Variants in ULK2 observed in about 807,000 individuals in gnomAD.
ULK2 encodes serine/threonine-protein kinase ULK2.
ULK2 carries 76 observed loss-of-function variants against 127.5 expected under a neutral mutation model. The ratio of observed to expected loss-of-function variants is 0.60; its 90% CI spans 0.50 to 0.72. ULK2 has a LOEUF of 0.72. ULK2 is among the 30% of genes least tolerant of loss of function. ULK2 has a pLI of 0.00. For synonymous variants in ULK2, 452 were observed against 461.9 expected (o/e 0.98, Z 0.28); for missense variants, 1,144 against 1,295.9 (o/e 0.88, Z 1.80).
chr17:19,846,998 AG>A (rs2041900009), intron 5 of ULK2, 88 bp from the exon 6 acceptor site: 14 of 1,271,006 alleles, frequency 1.1e-5, no homozygotes, highest in Non-Finnish European at 1.4e-5. Context: ...GTTGTGAAGG[AG>A]AGCATGAAGG....
chr17:19,861,690 C>T (rs1242213020), intron 3 of ULK2, among the ~76,000 whole-genome samples: 1 of 152,134 alleles, frequency 6.6e-6, no homozygotes, highest in Non-Finnish European at 1.5e-5. Flanking sequence ...TGAGTTGTAC[C>T]ACTTGGTGCC....
chr17:19,829,528 C>A (rs1271057886), intron 10 of ULK2, among the ~76,000 whole-genome samples: 6 of 97,990 alleles, frequency 6.1e-5, no homozygotes, highest in Non-Finnish European at 1.1e-4. Context: ...CAGGATGAGA[C>A]CCTGTCAAGG....
In ULK2 at chr17:19,777,645, G is replaced by A; in HGVS notation, c.2988C>T (p.Ala996=). The A allele has an allele frequency of 1.2e-6, 2 of 1,614,062 alleles. No individual in the cohort carries two copies. Among genetic ancestry groups the A allele is most frequent in the Non-Finnish European group, 1.7e-6 (2 of 1,180,004 alleles). Residue 996 remains alanine (A), a synonymous_variant, in exon 26 of 27, where the codon GCC becomes GCT. Coordinates refer to ENST00000395544, the MANE Select transcript of ULK2 (RefSeq NM_014683.4). The stretch of plus-strand genomic sequence containing the variant: ...TCCTACTTAGGCCTTCCAAAAGAAG[G>A]GCTGCCTTATGATAGCGATAAACAA... ...EDIVYRYHKA[A]LLLEGLSRIL...
chr17:19,804,942 T>C, intron 14 of ULK2, 112 bp from the exon 15 acceptor site: 1 of 1,159,406 alleles, frequency 8.6e-7, no homozygotes, highest in Non-Finnish European at 1.2e-6. Flanking sequence ...AAATGGTCAC[T>C]CCACTACCTT....
intron 6 of ULK2, among the ~76,000 whole-genome samples, chr17:19,846,457 T>C (rs1173206760): frequency 2.0e-5 from 3 of 151,950 alleles, no homozygotes; most frequent in Non-Finnish European, 2.9e-5. Context: ...CTGGCCAACA[T>C]GGTGAAACCC....
intron 12 of ULK2, among the ~76,000 whole-genome samples, chr17:19,823,949 T>C (rs2041224566): frequency 1.3e-5 from 2 of 152,310 alleles, no homozygotes; most frequent in East Asian, 1.9e-4. Flanking sequence ...CCTTGCGTTA[T>C]ATACTATGTG....
chr17:19,785,533 AAAAAAAAAACC>A (rs200935576), intron 21 of ULK2, among the ~76,000 whole-genome samples: 4,587 of 150,388 alleles, frequency 0.031, 213 homozygotes, highest in African/African-American at 0.11. Flanking sequence ...AGTTTCTTTA[AAAAAAAAAACC>A]AAAAAAAAAC....
intron 10 of ULK2, among the ~76,000 whole-genome samples, chr17:19,834,458 G>GC (rs2041541206): frequency 6.6e-6 from 1 of 150,978 alleles, no homozygotes; most frequent in South Asian, 2.1e-4. Context: ...CAACACAAAA[G>GC]AGGAGGAAAG....
intron 6 of ULK2, 55 bp downstream of exon 6, chr17:19,846,682 T>C (rs2041891432): frequency 2.0e-6 from 3 of 1,495,248 alleles, no homozygotes; most frequent in Middle Eastern, 1.8e-4. Context: ...GCTAAAGTTG[T>C]CTAAAAATAG....
At chr17:19,851,487 GA>G in intron 3 of ULK2, among the ~76,000 whole-genome samples, 1 of 150,482 alleles carries the variant, frequency 6.6e-6, no homozygotes. Flanking sequence ...AAAATACAAA[GA>G]AATTAGCCGG....
chr17:19,784,513 CTTTTTTTTT>C (rs563736244), intron 21 of ULK2, among the ~76,000 whole-genome samples: 297 of 45,112 alleles, frequency 6.6e-3, no homozygotes, highest in Non-Finnish European at 8.3e-3. Flanking sequence ...GGACATGATA[CTTTTTTTTT>C]TTTTTTTTTT....
chr17:19,817,653 G>A (rs1015610744), intron 12 of ULK2, among the ~76,000 whole-genome samples: 3 of 152,152 alleles, frequency 2.0e-5, no homozygotes, highest in African/African-American at 7.2e-5. Flanking sequence ...ACAACTCATT[G>A]AATATCTTGA....
chr17:19,794,451 T>C (rs1210299241), intron 20 of ULK2, among the ~76,000 whole-genome samples: 1 of 151,936 alleles, frequency 6.6e-6, no homozygotes. Context: ...AGAATGAATA[T>C]GAAAAAATCT....
chr17:19,843,171 T>TCCACA lies in ULK2; in HGVS notation c.590_594dup (p.Ser199CysfsTer4). 6.2e-7 allele frequency: 1 copy of TCCACA among 1,606,414 alleles called. No individual in the cohort carries two copies. The highest frequency in any genetic ancestry group is 8.5e-7 in the Non-Finnish European group (1 of 1,178,076). On this transcript the variant is annotated frameshift_variant, in exon 8 of 27. Coordinates refer to ENST00000395544, the MANE Select transcript of ULK2 (RefSeq NM_014683.4). LOFTEE classifies it high-confidence loss of function. ...CATTGGTATATCACTGTTCCTATGC[T>TCCACA]CCACAAGTCAGCCTTAGCATCATAA... is the stretch of plus-strand genomic sequence containing the variant.
chr17:19,781,111 C>T lies in ULK2; in HGVS notation c.2640-7G>A, dbSNP rs773988066. On this transcript the variant is annotated splice_polypyrimidine_tract_variant and splice_region_variant and intron_variant, in intron 23 of 26. Coordinates refer to ENST00000395544, the MANE Select transcript of ULK2 (RefSeq NM_014683.4). ...CACCAGCTGCTCCACCCGCCTGCAC[C>T]CAAAAGACAGTAGCAGAGGGTTATC... is the stretch of plus-strand genomic sequence containing the variant. 1.9e-6 allele frequency: 3 copies of T among 1,613,014 alleles called. No individual in the cohort carries two copies. The Middle Eastern group carries it at 5.0e-4, about 267-fold the overall frequency.
At chr17:19,800,759 TAC>T (rs1252209663) in intron 16 of ULK2, among the ~76,000 whole-genome samples, 5 of 152,112 alleles carry the variant, frequency 3.3e-5, no homozygotes, top group Admixed American at 2.0e-4. Flanking sequence ...GTATTTTTTT[TAC>T]AGTTTTGAGA....
rs1045158349 is a variant in ULK2, at chr17:19,806,610, C to T, written c.1158-1780G>A. Among the ~76,000 whole-genome samples the T allele has an allele frequency of 2.6e-5, 4 of 152,268 alleles. No individual in the cohort carries two copies. In the South Asian group the frequency reaches 8.3e-4, roughly 32 times the overall value. Reference sequence around the variant, plus strand: ...CAGGGTCTAGAAAGTCTTCCCTGGACAAATTCCAGATCTCTAGCTAGCTAA... The same window carrying T: ...CAGGGTCTAGAAAGTCTTCCCTGGATAAATTCCAGATCTCTAGCTAGCTAA... On this transcript the variant is annotated intron_variant, in intron 14 of 26. Coordinates refer to ENST00000395544, the MANE Select transcript of ULK2 (RefSeq NM_014683.4).
intron 12 of ULK2, among the ~76,000 whole-genome samples, chr17:19,818,031 C>A (rs749845933): frequency 6.6e-6 from 1 of 152,078 alleles, no homozygotes; most frequent in Non-Finnish European, 1.5e-5. Context: ...GTGTGAATCA[C>A]GGCTCACACC....
At position 19,826,185 on chromosome 17, in the gene ULK2, T is replaced by C. The variant is rs1405986382; in HGVS notation, c.789A>G (p.Glu263=). ...CAAGAAAAGGATGGCTAAAAAATGCTTCTGTAACAAGAAATGAGAATGCAA... is the reference window on the plus strand; with the variant it reads ...CAAGAAAAGGATGGCTAAAAAATGCCTCTGTAACAAGAAATGAGAATGCAA... ...QRNQKDRMDF[E]AFFSHPFLEQ... Residue 263 remains glutamate (E), a splice_region_variant and synonymous_variant, in exon 11 of 27, where the codon GAA becomes GAG. Transcript: ENST00000395544. The C allele has an allele frequency of 6.9e-7, 1 of 1,453,856 alleles. No individual in the cohort carries two copies. Among genetic ancestry groups the C allele is most frequent in the Admixed American group, 2.2e-5 (1 of 46,302 alleles). The allele number at this position is 1,453,856 out of a possible 1,614,324, so 90.1% of individuals were successfully genotyped here. A position where few individuals can be genotyped will look rare whatever the true frequency, so the allele number is the denominator to read the frequency against.
Sources: gnomAD v4.1 joint callset for allele counts (sites outside exome capture counted in the v4.1 genomes callset) on GRCh38, gnomAD v4.1.1 for gene constraint, MANE v1.5 for transcripts, NCBI Gene and HGNC (gene_info 2026-07-23, HGNC 2026-07-21) for gene names.